The following MAGI2 variants were observed in gnomAD, a reference collection of about 807,000 sequenced individuals.
MAGI2 encodes membrane associated guanylate kinase, WW and PDZ domain containing 2.
MAGI2 carries 35 observed loss-of-function variants against 133.3 expected under a neutral mutation model. That is an observed-to-expected ratio of 0.26 (90% CI 0.20 to 0.35). The LOEUF (loss-of-function observed/expected upper bound fraction) is 0.35, where lower values mean the gene tolerates loss of function less well. Among genes scored for constraint, MAGI2 ranks in the 10% least tolerant of loss-of-function variants. MAGI2 has a pLI of 1.00. For missense variants in MAGI2, 1,636 were observed against 1,863.4 expected, an observed-to-expected ratio of 0.88 and a Z score of 2.25; for synonymous variants, 729 against 710.6, an observed-to-expected ratio of 1.03 and a Z score of -0.41.
intron 2 of MAGI2, among the ~76,000 whole-genome samples, chr7:78,630,638 ATCTCCTGACC>A (rs1182233578): frequency 6.6e-6 from 1 of 151,790 alleles, no homozygotes; most frequent in Non-Finnish European, 1.5e-5. Flanking sequence ...GCTGGTCTCA[ATCTCCTGACC>A]TTGTGATTCC....
chr7:78,594,535 G>A (rs1804388488), intron 3 of MAGI2, among the ~76,000 whole-genome samples: 1 of 152,148 alleles, frequency 6.6e-6, no homozygotes, highest in Admixed American at 6.5e-5. Context: ...TTGGCTCACT[G>A]CAAACTCTGC....
At chr7:78,401,237 C>CA (rs1796833186) in intron 6 of MAGI2, among the ~76,000 whole-genome samples, 1 of 151,786 alleles carries the variant, frequency 6.6e-6, no homozygotes, top group Non-Finnish European at 1.5e-5. Flanking sequence ...ATGAGGAAAA[C>CA]AAAATGGAAG....
intron 9 of MAGI2, among the ~76,000 whole-genome samples, chr7:78,294,672 G>T (rs1359241504): frequency 6.7e-6 from 1 of 149,048 alleles, no homozygotes; most frequent in Non-Finnish European, 1.5e-5. Context: ...CCATCTATCA[G>T]CAAATTCACC....
At chr7:79,005,197 T>C (rs1807314640) in intron 2 of MAGI2, among the ~76,000 whole-genome samples, 2 of 152,222 alleles carry the variant, frequency 1.3e-5, no homozygotes, top group Non-Finnish European at 2.9e-5. Context: ...TTTTGTTCAC[T>C]TTTTTGCCAA....
intron 1 of MAGI2, among the ~76,000 whole-genome samples, chr7:79,221,425 CAG>C (rs904711281): frequency 5.9e-5 from 9 of 152,078 alleles, no homozygotes; most frequent in South Asian, 2.1e-4. Flanking sequence ...AAACCAGAGA[CAG>C]GGTGCGGTTT....
intron 9 of MAGI2, among the ~76,000 whole-genome samples, chr7:78,258,193 C>T (rs921133679): frequency 3.9e-5 from 6 of 152,076 alleles, no homozygotes; most frequent in South Asian, 2.1e-4. Context: ...GTGGCTGGAA[C>T]GTGGGTCCAC....
intron 1 of MAGI2, among the ~76,000 whole-genome samples, chr7:79,046,536 C>CT (rs1300196133): frequency 1.3e-5 from 2 of 152,174 alleles, no homozygotes; most frequent in East Asian, 3.9e-4. Context: ...AAAATTAATG[C>CT]TTTGAACCTA....
intron 1 of MAGI2, among the ~76,000 whole-genome samples, chr7:79,255,404 T>G (rs1362335666): frequency 6.6e-6 from 1 of 152,126 alleles, no homozygotes; most frequent in African/African-American, 2.4e-5. Flanking sequence ...TGTAAGGTAT[T>G]GTAAGGTAAT....
chr7:78,446,889 G>A (rs1465733340), intron 6 of MAGI2, among the ~76,000 whole-genome samples: 1 of 152,058 alleles, frequency 6.6e-6, no homozygotes, highest in Non-Finnish European at 1.5e-5. Context: ...ACCCATCTAA[G>A]TTGTGACTAT....
intron 6 of MAGI2, among the ~76,000 whole-genome samples, chr7:78,412,274 A>G (rs1161291943): frequency 6.6e-6 from 1 of 152,070 alleles, no homozygotes; most frequent in Non-Finnish European, 1.5e-5. Context: ...AATAAGAGCC[A>G]GCAGGTTCTC....
intron 1 of MAGI2, among the ~76,000 whole-genome samples, chr7:79,245,634 T>C (rs1049950518): frequency 6.6e-6 from 1 of 152,138 alleles, no homozygotes; most frequent in Non-Finnish European, 1.5e-5. Context: ...ACCAAGTAGC[T>C]TCCTAAGGTT....
chr7:78,257,183 C>G (rs1199988075), intron 9 of MAGI2, among the ~76,000 whole-genome samples: 2 of 152,214 alleles, frequency 1.3e-5, no homozygotes, highest in East Asian at 3.9e-4. Flanking sequence ...CACCTTGGCT[C>G]TACTATTTAA....
At chr7:78,796,873 A>T (rs909957874) in intron 2 of MAGI2, among the ~76,000 whole-genome samples, 2 of 152,206 alleles carry the variant, frequency 1.3e-5, no homozygotes, top group Non-Finnish European at 2.9e-5. Flanking sequence ...AAAATTAGCC[A>T]GGCACAGAAA....
chr7:78,458,786 C>T (rs146341371), intron 6 of MAGI2, among the ~76,000 whole-genome samples: 44 of 152,216 alleles, frequency 2.9e-4, no homozygotes, highest in African/African-American at 1.0e-3. Context: ...AGGCGCCCAC[C>T]ACCACGCCTG....
intron 18 of MAGI2, among the ~76,000 whole-genome samples, chr7:78,130,413 T>C (rs3807715): frequency 0.86 from 130,033 of 151,874 alleles, 56,057 homozygotes; most frequent in African/African-American, 0.91. Context: ...GGTGGGCACT[T>C]CTTACACAAA....
In MAGI2 at chr7:79,130,531, C is replaced by T. The variant is rs1272110620; in HGVS notation, c.302-123325G>A. ...AGCACCCACGCATTCACATCACATG[C>T]ATCACATATTTGCATCCTGATAATT... On this transcript the variant is annotated intron_variant, in intron 1 of 21. Coordinates refer to ENST00000354212, the MANE Select transcript of MAGI2 (RefSeq NM_012301.4). Among the ~76,000 whole-genome samples, 5 of 152,178 alleles carry T rather than the reference C, an allele frequency of 3.3e-5. No individual in the cohort carries two copies. In the East Asian group the frequency reaches 7.7e-4, roughly 23 times the overall value.
intron 1 of MAGI2, among the ~76,000 whole-genome samples, chr7:79,248,251 A>G (rs1160651746): frequency 6.6e-6 from 1 of 152,188 alleles, no homozygotes; most frequent in African/African-American, 2.4e-5. Flanking sequence ...CAAGACAAAA[A>G]CTATAAAAAG....
chr7:78,491,698 T>C (rs1324793695), intron 5 of MAGI2, among the ~76,000 whole-genome samples: 1 of 152,076 alleles, frequency 6.6e-6, no homozygotes, highest in African/African-American at 2.4e-5. Flanking sequence ...TGGCCCTCGT[T>C]TGCATGTCAA....
chr7:78,031,677 T>G (rs943604696), intron 21 of MAGI2, among the ~76,000 whole-genome samples: 2 of 152,194 alleles, frequency 1.3e-5, no homozygotes, highest in African/African-American at 4.8e-5. Context: ...AATACAGCCC[T>G]GTCTGAAGTG....
Sources: allele counts gnomAD v4.1 joint callset (sites outside exome capture counted in the v4.1 genomes callset), GRCh38; gene constraint gnomAD v4.1.1; transcripts MANE v1.5; gene names NCBI Gene and HGNC (gene_info 2026-07-23, HGNC 2026-07-21).